Variants in TMEM214 observed in about 807,000 individuals in gnomAD.
The protein encoded by TMEM214 is transmembrane protein 214.
TMEM214 carries 71 observed loss-of-function variants against 89.8 expected under a neutral mutation model. That is an observed-to-expected ratio of 0.79 (90% confidence interval 0.65 to 0.96). The LOEUF (loss-of-function observed/expected upper bound fraction) is 0.96, where lower values mean the gene tolerates loss of function less well. TMEM214 is among the 40% of genes least tolerant of loss of function. TMEM214 has a pLI of 0.00. For missense variants in TMEM214, 754 were observed against 843.4 expected, an observed-to-expected ratio of 0.89 and a Z score of 1.31; for synonymous variants, 332 against 349.5, an observed-to-expected ratio of 0.95 and a Z score of 0.56.
In TMEM214 at chr2:27,040,185, GTC is replaced by G. The variant is rs1210686372; in HGVS notation, c.1785_1786del (p.Gln596GlufsTer38). The G allele has an allele frequency of 6.2e-7, 1 of 1,605,748 alleles. No individual in the cohort carries two copies. Among genetic ancestry groups the G allele is most frequent in the African/African-American group, 1.3e-5 (1 of 74,932 alleles). On this transcript the variant is annotated frameshift_variant, in exon 15 of 17. Transcript: ENST00000238788. LOFTEE classifies it high-confidence loss of function. Reference sequence around the variant, plus strand: ...GCGTGGTTTGGTGACAGTCTCACCAGTCTCTCTCAGAGGGTAAGTCAGAGACA... The same window carrying G: ...GCGTGGTTTGGTGACAGTCTCACCAGTCTCTCAGAGGGTAAGTCAGAGACA...
chr2:27,039,235 C>A, intron 13 of TMEM214, 71 bp downstream of exon 13: 1 of 1,281,160 alleles, frequency 7.8e-7, no homozygotes, highest in South Asian at 1.2e-5. Flanking sequence ...ACCACCACCC[C>A]GCCCCCAGCA....
Position 27,040,859 on chromosome 2 carries a change from AT to A in TMEM214, c.*25del, listed in dbSNP as rs779683698. 4 of 1,610,432 alleles carry A rather than the reference AT, an allele frequency of 2.5e-6. No individual in the cohort carries two copies. Among genetic ancestry groups the A allele is most frequent in the Non-Finnish European group, 3.4e-6 (4 of 1,177,056 alleles). On this transcript the variant is annotated 3_prime_UTR_variant, in exon 17 of 17. Transcript: ENST00000238788. Reference sequence around the variant, plus strand: ...GTAGGCCCTGCCTTCCTGGCCACTGATTTCTGCATGGGTAGACCATCCAAGA... The same window carrying A: ...GTAGGCCCTGCCTTCCTGGCCACTGATTCTGCATGGGTAGACCATCCAAGA...
Position 27,035,300 on chromosome 2 carries a change from C to T in TMEM214, c.502+15C>T. ...GCATACTCATGGTAAGTCCTTCCAG[C>T]TTCCTCAAGCTCAGACAAGTTCAAA... is the stretch of plus-strand genomic sequence containing the variant. On this transcript the variant is annotated intron_variant, in intron 3 of 16. Transcript: ENST00000238788. The T allele has an allele frequency of 6.2e-7, 1 of 1,614,164 alleles. No homozygotes were observed. Among genetic ancestry groups the T allele is most frequent in the East Asian group, 2.2e-5 (1 of 44,890 alleles).
At position 27,037,411 on chromosome 2, in the gene TMEM214, G is replaced by A. The variant is rs1572790514; in HGVS notation, c.1011-150G>A. 7 of 1,027,106 alleles carry A rather than the reference G, an allele frequency of 6.8e-6. No individual in the cohort carries two copies. In the East Asian group the frequency reaches 1.4e-4, roughly 21 times the overall value. The allele number at this position is 1,027,106 out of a possible 1,614,324, so 63.6% of individuals were successfully genotyped here. On this transcript the variant is annotated intron_variant, in intron 8 of 16. Coordinates refer to ENST00000238788, the MANE Select transcript of TMEM214 (RefSeq NM_017727.5). The stretch of plus-strand genomic sequence containing the variant: ...TCCATGGCTTTCAACAGATTTCCAA[G>A]GAGTCTCTGAGTAAAAAGATTCAGA...
intron 16 of TMEM214, 36 bp from the exon 17 acceptor site, chr2:27,040,675 A>G: frequency 6.2e-7 from 1 of 1,609,956 alleles, no homozygotes; most frequent in Non-Finnish European, 8.5e-7. Context: ...ACAGCTACTC[A>G]CGTGCATACT....
rs1667822809 is a variant in TMEM214 at position 27,041,305 on chromosome 2, G to C, written c.*468G>C. On this transcript the variant is annotated 3_prime_UTR_variant, in exon 17 of 17. Transcript: ENST00000238788. ...CTCTAGCCACAGCAGAAGGAAAGGG[G>C]CTTCCAGAAGAATATAGCACCGCAT... 6.3e-6 allele frequency: 1 copy of C among 157,954 alleles called. No individual in the cohort carries two copies. Among genetic ancestry groups the C allele is most frequent in the South Asian group, 1.9e-4 (1 of 5,130 alleles). 9.8% of individuals were successfully genotyped at this position (157,954 alleles called of 1,614,324 possible).
At chr2:27,033,495 T>TGA (rs1001126094) in intron 1 of TMEM214, among the ~76,000 whole-genome samples, 6 of 152,268 alleles carry the variant, frequency 3.9e-5, no homozygotes, top group African/African-American at 1.4e-4. Flanking sequence ...GGCAGGTGTC[T>TGA]GAGCTTTGAA....
At chr2:27,036,823 G>A (rs757325246) in intron 7 of TMEM214, 37 bp downstream of exon 7, 2 of 1,605,478 alleles carry the variant, frequency 1.2e-6, no homozygotes, top group Non-Finnish European at 1.7e-6. Flanking sequence ...AAGGCTCAGG[G>A]TGTCCCAAGT....
In TMEM214 at chr2:27,034,096, G is replaced by T; in HGVS notation, c.181G>T (p.Glu61Ter). The T allele has an allele frequency of 6.2e-7, 1 of 1,614,132 alleles. No individual in the cohort carries two copies. Among genetic ancestry groups the T allele is most frequent in the South Asian group, 1.1e-5 (1 of 91,062 alleles). The stretch of plus-strand genomic sequence containing the variant: ...AATCCAGACCACAAGCACCCTTTAT[G>T]AGCGGGGCTTTGAGAATATCATGAA... Reference protein sequence around the residue: ...PAIQTTSTLYERGFENIMKRQ... With the variant: ...PAIQTTSTLY Residue 61 changes from glutamate (E) to a stop codon, truncating the protein, a stop_gained, in exon 2 of 17, where the codon GAG becomes TAG. Coordinates refer to ENST00000238788, the MANE Select transcript of TMEM214 (RefSeq NM_017727.5). LOFTEE classifies it high-confidence loss of function.
intron 1 of TMEM214, among the ~76,000 whole-genome samples, chr2:27,033,394 A>C (rs1481955893): frequency 3.9e-5 from 6 of 152,148 alleles, no homozygotes. Flanking sequence ...GGCCAGGGTC[A>C]TGTGTCAGAG....
Position 27,036,556 on chromosome 2 carries a change from C to A in TMEM214, c.790C>A (p.Gln264Lys). ...KCLTIMWALG[Q>K]AGFANLTEGL... ...TCTCACCATCATGTGGGCCCTGGGT[C>A]AAGCAGGTTTTGCCAACCTCACCGA... Residue 264 changes from glutamine (Q) to lysine (K), a missense_variant, in exon 6 of 17, where the codon CAA becomes AAA. By Grantham distance (53) the Gln-to-Lys change is moderately conservative. Transcript: ENST00000238788. 1 of 1,614,152 alleles carries A rather than the reference C, an allele frequency of 6.2e-7. No individual in the cohort carries two copies. Among genetic ancestry groups the A allele is most frequent in the Non-Finnish European group, 8.5e-7 (1 of 1,180,018 alleles).
intron 8 of TMEM214, 21 bp downstream of exon 8, chr2:27,037,199 A>G: frequency 6.4e-7 from 1 of 1,568,424 alleles, no homozygotes; most frequent in Non-Finnish European, 8.8e-7. Flanking sequence ...TCTGGGGCAC[A>G]CCTGCTGAGA....
Position 27,038,405 on chromosome 2 carries a change from G to A in TMEM214, c.1245-79G>A. The A allele has an allele frequency of 6.3e-7, 1 of 1,588,976 alleles. No individual in the cohort carries two copies. The highest frequency in any genetic ancestry group is 8.6e-7 in the Non-Finnish European group (1 of 1,158,856). On this transcript the variant is annotated intron_variant, in intron 10 of 16. Coordinates refer to ENST00000238788, the MANE Select transcript of TMEM214 (RefSeq NM_017727.5). The surrounding 1 kb of genome is among the most constrained non-coding windows in gnomAD (Gnocchi z 4.4). ...AGGTGGAGGGTCTTTCAGCCTGAAGGAGCCAGGGCTAATGGAGGACAGGAG... is the reference window on the plus strand; with the variant it reads ...AGGTGGAGGGTCTTTCAGCCTGAAGAAGCCAGGGCTAATGGAGGACAGGAG...
intron 7 of TMEM214, 79 bp from the exon 8 acceptor site, chr2:27,036,998 G>A: frequency 7.6e-7 from 1 of 1,319,664 alleles, no homozygotes; most frequent in African/African-American, 1.4e-5. Flanking sequence ...TTTCCTAGAT[G>A]TTGGCTTAGC....
chr2:27,035,032 C>T, intron 2 of TMEM214, 103 bp from the exon 3 acceptor site: 6 of 1,331,304 alleles, frequency 4.5e-6, no homozygotes, highest in Non-Finnish European at 5.2e-6. Context: ...ATCCCTTCTT[C>T]CTACTGCCAC....
In TMEM214 at chr2:27,036,585, A is replaced by T; in HGVS notation, c.819A>T (p.Gly273=). 6.2e-7 allele frequency: 1 copy of T among 1,614,108 alleles called. No individual in the cohort carries two copies. The highest frequency in any genetic ancestry group is 1.1e-5 in the South Asian group (1 of 91,088). ...CAGGTTTTGCCAACCTCACCGAGGGACTGAAAGGTAACAGGGAAATAGGGA... is the reference window on the plus strand; with the variant it reads ...CAGGTTTTGCCAACCTCACCGAGGGTCTGAAAGGTAACAGGGAAATAGGGA... ...GQAGFANLTE[G]LKVWLGIMLP... Residue 273 remains glycine, a synonymous_variant, in exon 6 of 17, where the codon GGA becomes GGT. Transcript: ENST00000238788.
intron 14 of TMEM214, 85 bp downstream of exon 14, chr2:27,039,922 G>A: frequency 5.6e-6 from 9 of 1,596,654 alleles, no homozygotes; most frequent in Admixed American, 1.7e-5. Flanking sequence ...AGTGGGAAGC[G>A]CTTGTGATTC....
chr2:27,037,224 C>A (rs1181484834), intron 8 of TMEM214, 46 bp downstream of exon 8: 1 of 1,395,328 alleles, frequency 7.2e-7, no homozygotes, highest in African/African-American at 1.4e-5. Flanking sequence ...ACCACAGCAC[C>A]AGAACCACAC....
intron 14 of TMEM214, 32 bp from the exon 15 acceptor site, chr2:27,039,996 CAG>C (rs749928675): frequency 3.1e-6 from 5 of 1,596,624 alleles, no homozygotes; most frequent in Non-Finnish European, 4.3e-6. Flanking sequence ...TGAGGAGACT[CAG>C]AGCCCTCTTC....
Sources: gnomAD v4.1 joint callset for allele counts (sites outside exome capture counted in the v4.1 genomes callset) on GRCh38, gnomAD v4.1.1 for gene constraint, Gnocchi (gnomAD v3.1) non-coding constraint, MANE v1.5 for transcripts, NCBI Gene and HGNC (gene_info 2026-07-23, HGNC 2026-07-21) for gene names.